ADCY2: variants seen among roughly 807,000 people sequenced by gnomAD.
The protein encoded by ADCY2 is adenylate cyclase 2, also known as adenylate cyclase type 2.
Under a neutral mutation model 125.2 loss-of-function variants are expected in ADCY2, and 31 were observed. The observed-to-expected ratio is 0.25, with a 90% CI of 0.19 to 0.33. ADCY2 has a LOEUF of 0.33. Among genes scored for constraint, ADCY2 ranks in the 10% least tolerant of loss-of-function variants. The pLI is 1.00. For missense variants in ADCY2, 904 were observed against 1,418.2 expected, an observed-to-expected ratio of 0.64 and a Z score of 5.82; for synonymous variants, 512 against 548.4, an observed-to-expected ratio of 0.93 and a Z score of 0.93.
chr5:7,544,054 G>C (rs1735079406), intron 3 of ADCY2, among the ~76,000 whole-genome samples: 1 of 147,012 alleles, frequency 6.8e-6, no homozygotes, highest in South Asian at 2.2e-4. Flanking sequence ...TCCCCATTAG[G>C]CCTGAGAGCA....
intron 13 of ADCY2, among the ~76,000 whole-genome samples, chr5:7,726,451 A>G (rs934812530): frequency 7.2e-5 from 11 of 152,318 alleles, no homozygotes; most frequent in South Asian, 2.1e-4. Context: ...GGTCATCATC[A>G]GCATCATAAG....
chr5:7,629,597 C>G (rs1042547498), intron 4 of ADCY2, among the ~76,000 whole-genome samples: 2 of 152,140 alleles, frequency 1.3e-5, no homozygotes, highest in Non-Finnish European at 2.9e-5. Flanking sequence ...AAAATCATGA[C>G]TTTTTACAAG....
At chr5:7,772,662 T>C (rs2126481906) in intron 17 of ADCY2, among the ~76,000 whole-genome samples, 1 of 152,354 alleles carries the variant, frequency 6.6e-6, no homozygotes, top group South Asian at 2.1e-4. Context: ...AAGTTTTTTT[T>C]ACAATTTATT....
intron 17 of ADCY2, among the ~76,000 whole-genome samples, chr5:7,772,653 A>T (rs79151566): frequency 1.7e-4 from 26 of 152,162 alleles, no homozygotes; most frequent in Non-Finnish European, 2.9e-4. Context: ...CTTCCATATA[A>T]GTTTTTTTTA....
chr5:7,595,980 A>G (rs1736990073), intron 3 of ADCY2, among the ~76,000 whole-genome samples: 1 of 152,204 alleles, frequency 6.6e-6, no homozygotes, highest in Non-Finnish European at 1.5e-5. Flanking sequence ...GGCTGACTAT[A>G]GTAGCAAATT....
chr5:7,774,441 C>T (rs1410177921), intron 18 of ADCY2, among the ~76,000 whole-genome samples: 1 of 152,166 alleles, frequency 6.6e-6, no homozygotes, highest in Non-Finnish European at 1.5e-5. Flanking sequence ...ATAAATGTAG[C>T]ATTATTGATT....
At chr5:7,683,234 G>A (rs532548751) in intron 4 of ADCY2, among the ~76,000 whole-genome samples, 18 of 152,314 alleles carry the variant, frequency 1.2e-4, no homozygotes, top group African/African-American at 4.3e-4. Flanking sequence ...GCTTTCCAGA[G>A]CTTTTACCCT....
intron 2 of ADCY2, among the ~76,000 whole-genome samples, chr5:7,489,547 A>T (rs1460403082): frequency 6.6e-6 from 1 of 152,126 alleles, no homozygotes; most frequent in African/African-American, 2.4e-5. Context: ...AGTTTTATAG[A>T]GTTCCCCTGC....
intron 3 of ADCY2, among the ~76,000 whole-genome samples, chr5:7,549,352 G>A (rs1224994531): frequency 6.6e-6 from 1 of 152,220 alleles, no homozygotes; most frequent in African/African-American, 2.4e-5. Context: ...AAGGGAGATG[G>A]CAGAATCCTG....
chr5:7,597,508 C>T (rs1369236934), intron 3 of ADCY2, among the ~76,000 whole-genome samples: 1 of 152,234 alleles, frequency 6.6e-6, no homozygotes, highest in African/African-American at 2.4e-5. Flanking sequence ...GGCGCAGTGG[C>T]TCACGCCTGT....
rs759496903 is a variant in ADCY2, at chr5:7,520,888, C to T, written c.559C>T (p.Leu187=). ...TGCAACACCGGGAGGCAAGGAGCAC[C>T]TGGTCTGGCAGGTGGGTGCACCTCC... is the stretch of plus-strand genomic sequence containing the variant. ...LSATPGGKEH[L]VWQILANVII... is the part of the protein sequence containing the mutation. Residue 187 remains leucine (L), a synonymous_variant, in exon 3 of 25, where the codon CTG becomes TTG. Transcript: ENST00000338316. 6.2e-7 allele frequency: 1 copy of T among 1,614,092 alleles called. No homozygotes were observed. The highest frequency in any genetic ancestry group is 8.5e-7 in the Non-Finnish European group (1 of 1,180,034).
intron 22 of ADCY2, among the ~76,000 whole-genome samples, chr5:7,809,911 G>A (rs1744879986): frequency 6.6e-6 from 1 of 152,214 alleles, no homozygotes; most frequent in African/African-American, 2.4e-5. Flanking sequence ...GTCAAGAAAG[G>A]AAATATTAAA....
rs762955442 is a variant in ADCY2 at position 7,396,547 on chromosome 5, G to C, written c.210+41G>C. 2 of 1,507,908 alleles carry C rather than the reference G, an allele frequency of 1.3e-6. No homozygotes were observed. The allele number at this position is 1,507,908 out of a possible 1,614,324, so 93.4% of individuals were successfully genotyped here. ...GCGGGTCCAGCGCCGCGCCTTCCCC[G>C]GCCCTGAGAGGAGCCCGGCCAGCCG... On this transcript the variant is annotated intron_variant, in intron 1 of 24. Coordinates refer to ENST00000338316, the MANE Select transcript of ADCY2 (RefSeq NM_020546.3). This position sits in a 1 kb window ranked among gnomAD's most constrained non-coding sequence, Gnocchi z 5.7.
At chr5:7,633,049 A>G (rs959768119) in intron 4 of ADCY2, among the ~76,000 whole-genome samples, 1 of 152,112 alleles carries the variant, frequency 6.6e-6, no homozygotes, top group African/African-American at 2.4e-5. Context: ...TCCAGTATTG[A>G]TGCCTAACAA....
At chr5:7,566,621 A>T (rs557811955) in intron 3 of ADCY2, among the ~76,000 whole-genome samples, 2 of 152,124 alleles carry the variant, frequency 1.3e-5, no homozygotes, top group African/African-American at 4.8e-5. Context: ...CACTTTGTAG[A>T]TGTCAACTTC....
chr5:7,620,466 A>G (rs1249992475), intron 3 of ADCY2, among the ~76,000 whole-genome samples: 1 of 152,176 alleles, frequency 6.6e-6, no homozygotes, highest in Admixed American at 6.5e-5. Flanking sequence ...ACATGACCTA[A>G]AGATCACTGG....
chr5:7,792,217 C>CAAAAA (rs57224712), intron 20 of ADCY2, among the ~76,000 whole-genome samples: 37 of 99,442 alleles, frequency 3.7e-4, no homozygotes, highest in African/African-American at 1.3e-3. Flanking sequence ...ACTAAAAATA[C>CAAAAA]AAAAAAAAAA....
intron 2 of ADCY2, among the ~76,000 whole-genome samples, chr5:7,513,078 G>GACACACACACACACACACACAC (rs142515106): frequency 5.9e-4 from 73 of 124,058 alleles, no homozygotes; most frequent in African/African-American, 1.7e-3. Context: ...GAAAATACAT[G>GACACACACACACACACACACAC]ACACACACAC....
chr5:7,693,406 GTTT>G (rs139450063), intron 5 of ADCY2, among the ~76,000 whole-genome samples: 1 of 58,658 alleles, frequency 1.7e-5, no homozygotes, highest in African/African-American at 5.7e-5. Context: ...ATTGCCTGCT[GTTT>G]TTTGTTTTTT....
Sources: gnomAD v4.1 joint callset for allele counts (sites outside exome capture counted in the v4.1 genomes callset) on GRCh38, gnomAD v4.1.1 for gene constraint, Gnocchi (gnomAD v3.1) non-coding constraint, MANE v1.5 for transcripts, NCBI Gene and HGNC (gene_info 2026-07-23, HGNC 2026-07-21) for gene names.